RABEP1: variants seen among roughly 807,000 people sequenced by gnomAD.
RABEP1 encodes rab GTPase-binding effector protein 1.
A neutral mutation model predicts 123.4 loss-of-function variants in RABEP1; 51 were observed. The ratio of observed to expected loss-of-function variants is 0.41; its 90% CI spans 0.33 to 0.52. RABEP1 has a LOEUF of 0.52. RABEP1 is among the 20% of genes least tolerant of loss of function. RABEP1 has a pLI of 0.16. For missense variants in RABEP1, 888 were observed against 996.3 expected (o/e 0.89, Z 1.46); for synonymous variants, 347 against 355.2 (o/e 0.98, Z 0.26).
chr17:5,370,589 T>G (rs1910449487), intron 12 of RABEP1, among the ~76,000 whole-genome samples: 1 of 152,210 alleles, frequency 6.6e-6, no homozygotes, highest in Non-Finnish European at 1.5e-5. Flanking sequence ...CCATCTGTCT[T>G]GTAGAATTCA....
At chr17:5,362,488 A>G (rs574510426) in intron 9 of RABEP1, among the ~76,000 whole-genome samples, 93 of 152,244 alleles carry the variant, frequency 6.1e-4, no homozygotes, top group African/African-American at 2.0e-3. Flanking sequence ...AACTATTCTC[A>G]TTGGTCTTAT....
chr17:5,311,836 T>C (rs1300492156), intron 2 of RABEP1, among the ~76,000 whole-genome samples: 1 of 152,092 alleles, frequency 6.6e-6, no homozygotes, highest in African/African-American at 2.4e-5. Flanking sequence ...TAGAAAAAGA[T>C]AGCTTGTCAG....
chr17:5,356,470 C>G (rs75754694), intron 8 of RABEP1: 22,241 of 166,926 alleles, frequency 0.13, 1,566 homozygotes, highest in African/African-American at 0.16. Context: ...GCTTTTCTCT[C>G]TACAAAATGT....
chr17:5,301,451 T>C (rs1567868936), intron 1 of RABEP1, among the ~76,000 whole-genome samples: 1 of 152,154 alleles, frequency 6.6e-6, no homozygotes, highest in Non-Finnish European at 1.5e-5. Flanking sequence ...TAGACAGCCA[T>C]GGATATGGCA....
chr17:5,340,390 C>T (rs1567532725), intron 5 of RABEP1, among the ~76,000 whole-genome samples: 1 of 152,016 alleles, frequency 6.6e-6, no homozygotes, highest in Non-Finnish European at 1.5e-5. Flanking sequence ...CTATAGTAGC[C>T]ACTGTATGGC....
chr17:5,319,350 C>CAA (rs112853888), intron 2 of RABEP1, among the ~76,000 whole-genome samples: 2 of 137,880 alleles, frequency 1.5e-5, no homozygotes, highest in South Asian at 2.3e-4. Context: ...AACAAAAAAA[C>CAA]AAAAAAAAAA....
At chr17:5,348,083 T>G (rs2144641463) in intron 6 of RABEP1, among the ~76,000 whole-genome samples, 1 of 152,230 alleles carries the variant, frequency 6.6e-6, no homozygotes, top group South Asian at 2.1e-4. Context: ...GTTCAAGTGA[T>G]TCTCCTGCTT....
intron 10 of RABEP1, among the ~76,000 whole-genome samples, chr17:5,364,807 G>A (rs964877073): frequency 2.0e-5 from 3 of 152,028 alleles, no homozygotes; most frequent in African/African-American, 4.8e-5. Flanking sequence ...AAAATTTCTG[G>A]TGTTAGTGTG....
chr17:5,290,335 G>A (rs998592067), intron 1 of RABEP1, among the ~76,000 whole-genome samples: 5 of 152,130 alleles, frequency 3.3e-5, no homozygotes, highest in African/African-American at 4.8e-5. Context: ...TGATCCACTC[G>A]CCTTGGCCTC....
In RABEP1 at chr17:5,386,129, TA is replaced by T; in HGVS notation, c.*2908del. The T allele has an allele frequency of 9.3e-7, 1 of 1,079,096 alleles. No homozygotes were observed. The highest frequency in any genetic ancestry group is 1.4e-6 in the Non-Finnish European group (1 of 734,894). The allele number at this position is 1,079,096 out of a possible 1,614,324, so 66.8% of individuals were successfully genotyped here. A position where few individuals can be genotyped will look rare whatever the true frequency, so the allele number is the denominator to read the frequency against. On this transcript the variant is annotated 3_prime_UTR_variant, in exon 18 of 18. Coordinates refer to ENST00000537505, the MANE Select transcript of RABEP1 (RefSeq NM_004703.6). ...TCAAAACACCTTTTTATAAATTAGA[TA>T]ATTCTACCTGTTTTACAATATGGGT...
chr17:5,381,500 C>T lies in RABEP1; in HGVS notation c.2482C>T (p.Leu828Phe). ...GGATTTTGTAAAGCTTTCACAGACCCTTCAGGTGAGGCATTTGGGGAACCA... is the reference window on the plus strand; with the variant it reads ...GGATTTTGTAAAGCTTTCACAGACCTTTCAGGTGAGGCATTTGGGGAACCA... The part of the protein sequence containing the change: ...QRDFVKLSQT[L>F]QVQLERIRQA... The change falls in exon 17 of 18, where the codon CTT becomes TTT. Residue 828 changes from leucine to phenylalanine, a missense_variant. Physicochemically the swap from Leu to Phe is conservative, Grantham distance 22. Transcript: ENST00000537505. The T allele has an allele frequency of 6.2e-7, 1 of 1,612,532 alleles. No homozygotes were observed. Among genetic ancestry groups the T allele is most frequent in the Non-Finnish European group, 8.5e-7 (1 of 1,179,428 alleles).
intron 2 of RABEP1, among the ~76,000 whole-genome samples, chr17:5,316,295 C>G (rs1310111352): frequency 6.6e-6 from 1 of 150,782 alleles, no homozygotes; most frequent in African/African-American, 2.4e-5. Flanking sequence ...TACTAAAATA[C>G]AAAAAATTAG....
At position 5,365,233 on chromosome 17, in the gene RABEP1, C is replaced by T. The variant is rs758751655; in HGVS notation, c.1780C>T (p.His594Tyr). The change falls in exon 11 of 18, where the codon CAC (histidine) becomes TAC (tyrosine). Residue 594 changes from histidine to tyrosine, a missense_variant. Coordinates refer to ENST00000537505, the MANE Select transcript of RABEP1 (RefSeq NM_004703.6). The stretch of plus-strand genomic sequence containing the variant: ...AAAGCAAAGCAGCGAAGATTCGAGT[C>T]ACCAGGTAAGGGAGGGTTTATAGAC... ...FIKQSSEDSS[H>Y]QISALVLRAQ... The T allele has an allele frequency of 6.2e-7, 1 of 1,603,886 alleles. No homozygotes were observed. Among genetic ancestry groups the T allele is most frequent in the East Asian group, 2.2e-5 (1 of 44,594 alleles).
chr17:5,370,144 A>C (rs1415737449), intron 12 of RABEP1, among the ~76,000 whole-genome samples: 1 of 152,158 alleles, frequency 6.6e-6, no homozygotes, highest in Non-Finnish European at 1.5e-5. Context: ...ATTTTGTTGA[A>C]ATTACCATAA....
At chr17:5,351,906 C>T (rs1173572330) in intron 7 of RABEP1, among the ~76,000 whole-genome samples, 1 of 151,510 alleles carries the variant, frequency 6.6e-6, no homozygotes, top group African/African-American at 2.4e-5. Flanking sequence ...ATTGATTTAC[C>T]CTTTCTCCTT....
intron 2 of RABEP1, among the ~76,000 whole-genome samples, chr17:5,328,607 C>T (rs568457295): frequency 8.5e-5 from 12 of 140,938 alleles, no homozygotes; most frequent in Non-Finnish European, 1.4e-4. Context: ...GGTCGCACCA[C>T]TGCACTCTAG....
chr17:5,329,518 C>T (rs915921331), intron 2 of RABEP1, among the ~76,000 whole-genome samples: 8 of 152,194 alleles, frequency 5.3e-5, no homozygotes, highest in East Asian at 1.9e-4. Flanking sequence ...GCAACAAGAG[C>T]GAGACTCCGT....
intron 2 of RABEP1, among the ~76,000 whole-genome samples, chr17:5,320,151 C>T (rs1284659632): frequency 6.6e-6 from 1 of 151,804 alleles, no homozygotes; most frequent in Admixed American, 6.6e-5. Flanking sequence ...GCAAATAACC[C>T]TAATGGAGCT....
At chr17:5,367,819 T>A (rs1410147373) in intron 11 of RABEP1, among the ~76,000 whole-genome samples, 2 of 149,768 alleles carry the variant, frequency 1.3e-5, no homozygotes, top group African/African-American at 2.4e-5. Context: ...ACAGGGTGCG[T>A]TCTGGGCTCA....
Sources: allele counts gnomAD v4.1 joint callset (sites outside exome capture counted in the v4.1 genomes callset), GRCh38; gene constraint gnomAD v4.1.1; transcripts MANE v1.5; gene names NCBI Gene and HGNC (gene_info 2026-07-23, HGNC 2026-07-21).